The following PELI2 variants were observed in gnomAD, a reference collection of about 807,000 sequenced individuals.
PELI2 encodes pellino E3 ubiquitin protein ligase family member 2.
Under a neutral mutation model 42.3 loss-of-function variants are expected in PELI2, and 23 were observed. The ratio of observed to expected loss-of-function variants is 0.54; its 90% CI spans 0.39 to 0.77. The LOEUF (loss-of-function observed/expected upper bound fraction) is 0.77, where lower values mean the gene tolerates loss of function less well. Ranked by LOEUF, PELI2 falls within the 30% of genes least tolerant of loss-of-function variation. The probability of loss-of-function intolerance (pLI) is 0.00; values close to 1 mark genes in which losing one functional copy is unlikely to be tolerated. For missense variants in PELI2, 463 were observed against 553.2 expected (o/e 0.84, Z 1.64); for synonymous variants, 245 against 212.2 (o/e 1.15, Z -1.34).
rs4898889 is a variant in PELI2, at chr14:56,213,333, C to A, written c.207+34869C>A. 3.2e-3 allele frequency among the ~76,000 whole-genome samples: 488 copies of A among 152,274 alleles called. 15 individuals are homozygous for A. The highest frequency in any genetic ancestry group is 0.029 in the Admixed American group (440 of 15,300). The stretch of plus-strand genomic sequence containing the variant: ...TTGCCTCTTACTTTTTGGGCCCAGG[C>A]AGAAGCTTTGCACAGTGGAGGCAGA... On this transcript the variant is annotated intron_variant, in intron 2 of 5. Coordinates refer to ENST00000267460, the MANE Select transcript of PELI2 (RefSeq NM_021255.3).
intron 2 of PELI2, among the ~76,000 whole-genome samples, chr14:56,228,403 T>C: frequency 6.6e-6 from 1 of 152,234 alleles, no homozygotes; most frequent in Non-Finnish European, 1.5e-5. Context: ...TTCTGATCTA[T>C]ACTATATATC....
chr14:56,253,512 C>T (rs1368381189), intron 2 of PELI2, among the ~76,000 whole-genome samples: 1 of 152,142 alleles, frequency 6.6e-6, no homozygotes, highest in Non-Finnish European at 1.5e-5. Context: ...TCTTAGGATA[C>T]AAAATCAATG....
At chr14:56,185,610 G>T (rs939531792) in intron 2 of PELI2, among the ~76,000 whole-genome samples, 7 of 152,180 alleles carry the variant, frequency 4.6e-5, no homozygotes, top group Non-Finnish European at 8.8e-5. Flanking sequence ...TTTGAGGTAT[G>T]ATTTGCAGTG....
intron 1 of PELI2, among the ~76,000 whole-genome samples, chr14:56,164,989 A>G (rs1884900364): frequency 6.7e-6 from 1 of 150,144 alleles, no homozygotes; most frequent in South Asian, 2.1e-4. Flanking sequence ...CAAAAAACCA[A>G]CTTTTTGTTG....
intron 1 of PELI2, among the ~76,000 whole-genome samples, chr14:56,139,872 A>G (rs1883836316): frequency 2.0e-5 from 3 of 151,494 alleles, no homozygotes; most frequent in African/African-American, 4.9e-5. Context: ...GGGTGATGCA[A>G]ACCAGCTTCT....
At chr14:56,146,475 T>G (rs948141731) in intron 1 of PELI2, among the ~76,000 whole-genome samples, 1 of 152,206 alleles carries the variant, frequency 6.6e-6, no homozygotes, top group African/African-American at 2.4e-5. Context: ...ATGTGCTCAT[T>G]ACTGTACTGG....
At chr14:56,252,511 G>A (rs537977817) in intron 2 of PELI2, among the ~76,000 whole-genome samples, 1 of 152,170 alleles carries the variant, frequency 6.6e-6, no homozygotes, top group Non-Finnish European at 1.5e-5. Flanking sequence ...TTTGTCTGGG[G>A]AATAACCTGT....
chr14:56,215,613 A>G (rs1378972219), intron 2 of PELI2, among the ~76,000 whole-genome samples: 1 of 152,260 alleles, frequency 6.6e-6, no homozygotes, highest in Non-Finnish European at 1.5e-5. Context: ...CAACTGTAAT[A>G]CTATTTTAAT....
intron 2 of PELI2, among the ~76,000 whole-genome samples, chr14:56,239,827 A>C (rs1199387042): frequency 6.6e-6 from 1 of 152,184 alleles, no homozygotes; most frequent in Non-Finnish European, 1.5e-5. Flanking sequence ...GACTTTCAGC[A>C]AATTCCCCGA....
intron 2 of PELI2, among the ~76,000 whole-genome samples, chr14:56,239,814 T>G (rs1002812821): frequency 6.6e-6 from 1 of 152,200 alleles, no homozygotes; most frequent in Non-Finnish European, 1.5e-5. Context: ...GTGGCTGTTG[T>G]GTGACTTTCA....
intron 2 of PELI2, among the ~76,000 whole-genome samples, chr14:56,264,196 A>G (rs1042570044): frequency 6.6e-6 from 1 of 152,110 alleles, no homozygotes; most frequent in Admixed American, 6.5e-5. Context: ...ACTGTCAACA[A>G]GTGTTCTTTG....
At chr14:56,202,460 T>C (rs1886363942) in intron 2 of PELI2, among the ~76,000 whole-genome samples, 1 of 151,776 alleles carries the variant, frequency 6.6e-6, no homozygotes, top group South Asian at 2.1e-4. Context: ...CTGTTCTCAG[T>C]GGAGACAGCT....
At chr14:56,137,291 A>G (rs111952238) in intron 1 of PELI2, among the ~76,000 whole-genome samples, 7 of 152,170 alleles carry the variant, frequency 4.6e-5, no homozygotes, top group African/African-American at 1.7e-4. Context: ...TTTCTCAGTC[A>G]TTGGAATGGG....
At chr14:56,121,504 C>G (rs1883058302) in intron 1 of PELI2, among the ~76,000 whole-genome samples, 1 of 152,114 alleles carries the variant, frequency 6.6e-6, no homozygotes, top group African/African-American at 2.4e-5. Context: ...GTATCATAGC[C>G]ACAACTCTTT....
intron 2 of PELI2, among the ~76,000 whole-genome samples, chr14:56,203,165 T>G (rs1886396936): frequency 1.3e-5 from 2 of 152,190 alleles, no homozygotes; most frequent in Admixed American, 1.3e-4. Flanking sequence ...GCTGAAATCC[T>G]GTCTCTACTA....
At chr14:56,203,423 A>G (rs1014507887) in intron 2 of PELI2, among the ~76,000 whole-genome samples, 7 of 152,126 alleles carry the variant, frequency 4.6e-5, no homozygotes, top group African/African-American at 2.4e-5. Context: ...GCAAATATAC[A>G]TATCTTTTTC....
chr14:56,293,545 C>G (rs1241953391), intron 5 of PELI2, among the ~76,000 whole-genome samples: 2 of 152,136 alleles, frequency 1.3e-5, no homozygotes, highest in Non-Finnish European at 2.9e-5. Context: ...TGGAACAGTG[C>G]TGGACACAGT....
chr14:56,222,180 C>A (rs1009310756), intron 2 of PELI2, among the ~76,000 whole-genome samples: 2 of 151,684 alleles, frequency 1.3e-5, no homozygotes, highest in African/African-American at 2.4e-5. Context: ...GAAGCTTTAT[C>A]TGTGTCACCT....
intron 2 of PELI2, among the ~76,000 whole-genome samples, chr14:56,225,438 G>A (rs1275480066): frequency 1.3e-5 from 2 of 152,190 alleles, no homozygotes; most frequent in African/African-American, 4.8e-5. Context: ...CGTGATTAGA[G>A]GGAGTTGGAA....
Sources: gnomAD v4.1 joint callset for allele counts (sites outside exome capture counted in the v4.1 genomes callset) on GRCh38, gnomAD v4.1.1 for gene constraint, MANE v1.5 for transcripts, NCBI Gene and HGNC (gene_info 2026-07-23, HGNC 2026-07-21) for gene names.